Variants in GRHL2 observed in about 807,000 individuals in gnomAD.
GRHL2 encodes the protein grainyhead like transcription factor 2.
GRHL2 carries 21 observed loss-of-function variants against 83.8 expected under a neutral mutation model. The ratio of observed to expected loss-of-function variants is 0.25; its 90% CI spans 0.18 to 0.36. The LOEUF (loss-of-function observed/expected upper bound fraction) is 0.36. Ranked by LOEUF, GRHL2 falls within the 10% of genes least tolerant of loss-of-function variation. The pLI, the probability that GRHL2 is intolerant of heterozygous loss-of-function variation, is 1.00. For missense variants in GRHL2, 623 were observed against 781.8 expected (o/e 0.80, Z 2.42); for synonymous variants, 280 against 278.9 (o/e 1.00, Z -0.04).
chr8:101,654,425 C>CTATT (rs1347790884), intron 14 of GRHL2, among the ~76,000 whole-genome samples: 9 of 152,210 alleles, frequency 5.9e-5, no homozygotes, highest in African/African-American at 2.2e-4. Flanking sequence ...GATGATGCAG[C>CTATT]TATTTCCACA....
intron 14 of GRHL2, among the ~76,000 whole-genome samples, chr8:101,658,301 C>T (rs928139316): frequency 6.6e-6 from 1 of 152,200 alleles, no homozygotes; most frequent in Non-Finnish European, 1.5e-5. Flanking sequence ...CCCATTTTCT[C>T]TAGCAGTTGA....
At chr8:101,642,359 G>A (rs1341597536) in intron 12 of GRHL2, among the ~76,000 whole-genome samples, 1 of 152,190 alleles carries the variant, frequency 6.6e-6, no homozygotes, top group Admixed American at 6.5e-5. Context: ...CAGCAGAACT[G>A]GAAAAATATA....
intron 1 of GRHL2, among the ~76,000 whole-genome samples, chr8:101,533,397 C>A (rs546268140): frequency 2.8e-4 from 43 of 152,244 alleles, no homozygotes; most frequent in African/African-American, 9.9e-4. Flanking sequence ...TCCTCAATGG[C>A]AATGGAGCTT....
chr8:101,510,554 T>G (rs1810441006), intron 1 of GRHL2, among the ~76,000 whole-genome samples: 1 of 152,162 alleles, frequency 6.6e-6, no homozygotes, highest in African/African-American at 2.4e-5. Context: ...CAAAAAAGAT[T>G]TTTTGATCAT....
Position 101,511,396 on chromosome 8 carries a change from G to A in GRHL2, c.20+18607G>A, listed in dbSNP as rs140093037. On this transcript the variant is annotated intron_variant, in intron 1 of 15. Transcript: ENST00000646743. ...ATGCTTATTGCTGCCTACCATCCCAGCAGTGCATCTTATCAGTCTTTTTCA... is the reference window on the plus strand; with the variant it reads ...ATGCTTATTGCTGCCTACCATCCCAACAGTGCATCTTATCAGTCTTTTTCA... Among the ~76,000 whole-genome samples, 332 of 152,276 alleles carry A rather than the reference G, an allele frequency of 2.2e-3. 4 individuals are homozygous for A. The highest frequency in any genetic ancestry group is 7.6e-3 in the African/African-American group (314 of 41,572).
chr8:101,538,946 T>C (rs1428187787), intron 1 of GRHL2, among the ~76,000 whole-genome samples: 14 of 152,074 alleles, frequency 9.2e-5, no homozygotes, highest in Admixed American at 8.5e-4. Context: ...CTTTTTCCAC[T>C]GATCACGTAA....
At chr8:101,652,588 C>CTGTGTGTGTGTGG (rs747996964) in intron 14 of GRHL2, among the ~76,000 whole-genome samples, 1,489 of 17,854 alleles carry the variant, frequency 0.083, 49 homozygotes, top group Middle Eastern at 0.2. Context: ...TGTGTGGTGT[C>CTGTGTGTGTGTGG]TGTGTGTGTG....
chr8:101,521,122 A>G (rs1488720071), intron 1 of GRHL2, among the ~76,000 whole-genome samples: 2 of 152,216 alleles, frequency 1.3e-5, no homozygotes, highest in East Asian at 1.9e-4. Context: ...ACTGTCAGAC[A>G]ACAATGTGAG....
intron 9 of GRHL2, among the ~76,000 whole-genome samples, 173 bp downstream of exon 9, chr8:101,619,870 T>G (rs936530000): frequency 6.6e-6 from 1 of 150,474 alleles, no homozygotes; most frequent in Non-Finnish European, 1.5e-5. Context: ...ATCTAGGAAG[T>G]CTTCAGTCAA....
chr8:101,644,087 C>A, intron 12 of GRHL2, 44 bp from the exon 13 acceptor site: 2 of 1,536,994 alleles, frequency 1.3e-6, no homozygotes, highest in Non-Finnish European at 1.8e-6. Context: ...TGTGTTTTGA[C>A]ACCTTGCTGG....
chr8:101,594,080 AAAAAAAAAAAAAAAAAAAGAG>A (rs1282399618), intron 7 of GRHL2, among the ~76,000 whole-genome samples: 1 of 137,642 alleles, frequency 7.3e-6, no homozygotes, highest in Non-Finnish European at 1.6e-5. Flanking sequence ...AAAAAAAAAA[AAAAAAAAAAAAAAAAAAAGAG>A]AGAGATAGTG....
chr8:101,535,514 A>G (rs143286996), intron 1 of GRHL2, among the ~76,000 whole-genome samples: 25 of 152,188 alleles, frequency 1.6e-4, no homozygotes, highest in African/African-American at 5.8e-4. Context: ...CTGACAGCTC[A>G]GTGACAGTTT....
chr8:101,664,439 T>C lies in GRHL2; in HGVS notation c.1699-15T>C. The C allele has an allele frequency of 1.2e-6, 2 of 1,605,926 alleles. No homozygotes were observed. The highest frequency in any genetic ancestry group is 1.7e-6 in the Non-Finnish European group (2 of 1,172,584). On this transcript the variant is annotated splice_polypyrimidine_tract_variant and intron_variant, in intron 14 of 15. Coordinates refer to ENST00000646743, the MANE Select transcript of GRHL2 (RefSeq NM_024915.4). ...CCTTCTGTGCTCATCTGCCTTCTTG[T>C]TATTGGTATTACAGATATCTGAGAA...
intron 1 of GRHL2, among the ~76,000 whole-genome samples, chr8:101,493,618 C>T (rs1215796753): frequency 6.6e-6 from 1 of 152,152 alleles, no homozygotes; most frequent in Non-Finnish European, 1.5e-5. Context: ...CGTCTGCACG[C>T]CCCTCGAGCT....
chr8:101,601,758 A>C (rs770890184), intron 8 of GRHL2, among the ~76,000 whole-genome samples: 1 of 152,210 alleles, frequency 6.6e-6, no homozygotes, highest in Non-Finnish European at 1.5e-5. Flanking sequence ...TAATGAAAAA[A>C]GTTCCAAATA....
chr8:101,601,131 G>C (rs1211899478), intron 8 of GRHL2, among the ~76,000 whole-genome samples: 1 of 150,790 alleles, frequency 6.6e-6, no homozygotes, highest in East Asian at 1.9e-4. Context: ...CTGTACTCTA[G>C]CCTGGGTAAC....
chr8:101,492,732 G>A lies in GRHL2; in HGVS notation c.-38G>A. On this transcript the variant is annotated 5_prime_UTR_variant, in exon 1 of 16. Transcript: ENST00000646743. ...AAAGTCCAGTTTCACCAGAGGCTGA[G>A]GCTCCAGGAAAAGCGGAGCAAGTTC... 2.5e-6 allele frequency: 4 copies of A among 1,602,564 alleles called. No homozygotes were observed. Among genetic ancestry groups the A allele is most frequent in the Non-Finnish European group, 2.6e-6 (3 of 1,169,516 alleles).
chr8:101,578,129 G>A (rs548481205), intron 7 of GRHL2, among the ~76,000 whole-genome samples: 30 of 152,290 alleles, frequency 2.0e-4, no homozygotes, highest in African/African-American at 6.7e-4. Context: ...AGTCTGGAAG[G>A]CAACACTCAT....
chr8:101,648,897 G>A (rs1813565504), intron 13 of GRHL2, among the ~76,000 whole-genome samples: 1 of 152,096 alleles, frequency 6.6e-6, no homozygotes, highest in African/African-American at 2.4e-5. Flanking sequence ...TATAAGCACT[G>A]TTTCCTGACA....
Sources: allele counts gnomAD v4.1 joint callset (sites outside exome capture counted in the v4.1 genomes callset), GRCh38; gene constraint gnomAD v4.1.1; transcripts MANE v1.5; gene names NCBI Gene and HGNC (gene_info 2026-07-23, HGNC 2026-07-21).